Variants in NDST4 observed in about 807,000 individuals in gnomAD.
NDST4 encodes the protein N-deacetylase and N-sulfotransferase 4.
Under a neutral mutation model 100.8 loss-of-function variants are expected in NDST4, and 63 were observed. That is an observed-to-expected ratio of 0.62 (90% confidence interval 0.51 to 0.77). The LOEUF (loss-of-function observed/expected upper bound fraction) is 0.77. NDST4 is among the 30% of genes least tolerant of loss of function. The probability of loss-of-function intolerance (pLI) is 0.00; values close to 1 mark genes in which losing one functional copy is unlikely to be tolerated. For synonymous variants in NDST4, 377 were observed against 361.8 expected, an observed-to-expected ratio of 1.04 and a Z score of -0.48; for missense variants, 943 against 1,018.4, an observed-to-expected ratio of 0.93 and a Z score of 1.01.
At chr4:114,850,116 C>A (rs1465167083) in intron 8 of NDST4, among the ~76,000 whole-genome samples, 1 of 151,736 alleles carries the variant, frequency 6.6e-6, no homozygotes, top group Middle Eastern at 3.2e-3. Context: ...TTGAGACACA[C>A]AAAACACAAA....
At position 114,839,445 on chromosome 4, in the gene NDST4, C is replaced by G. The variant is rs1240023189; in HGVS notation, c.2219G>C (p.Arg740Thr). 1.2e-6 allele frequency: 2 copies of G among 1,613,930 alleles called. No individual in the cohort carries two copies. The highest frequency in any genetic ancestry group is 1.7e-6 in the Non-Finnish European group (2 of 1,179,884). Residue 740 changes from arginine (R) to threonine (T), a missense_variant, in exon 11 of 14, where the codon AGA (arginine) becomes ACA (threonine). Around this residue, in one of 2 missense-constraint regions of NDST4, gnomAD observed 526 missense variants for 634.1 expected, o/e 0.83. Transcript: ENST00000264363. ...TGCATACCATCCAGGTACTAGGCATCTTCTCTGCAAAGTTTTTAAGTCAGA... is the reference window on the plus strand; with the variant it reads ...TGCATACCATCCAGGTACTAGGCATGTTCTCTGCAAAGTTTTTAAGTCAGA... ...APSDLKTLQR[R>T]CLVPGWYAVH... is the part of the protein sequence containing the mutation.
rs561853489 is a variant in NDST4 at position 115,077,195 on chromosome 4, G to T, written c.-159C>A. ...AAGGGAGCACAACTGAGTTAAAGCTGGAAGGCAATAGATGGGAAGGATATA... is the reference window on the plus strand; with the variant it reads ...AAGGGAGCACAACTGAGTTAAAGCTTGAAGGCAATAGATGGGAAGGATATA... On this transcript the variant is annotated 5_prime_UTR_variant, in exon 2 of 14. Coordinates refer to ENST00000264363, the MANE Select transcript of NDST4 (RefSeq NM_022569.3). The T allele has an allele frequency of 4.5e-6, 3 of 662,570 alleles. No individual in the cohort carries two copies. The Admixed American group carries it at 9.2e-5, about 20-fold the overall frequency. 41.0% of individuals were successfully genotyped at this position (662,570 alleles called of 1,614,324 possible). A position where few individuals can be genotyped will look rare whatever the true frequency, so the allele number is the denominator to read the frequency against.
At chr4:114,931,817 C>A (rs1175472971) in intron 6 of NDST4, among the ~76,000 whole-genome samples, 1 of 151,446 alleles carries the variant, frequency 6.6e-6, no homozygotes, top group Non-Finnish European at 1.5e-5. Context: ...TCTGAACAGA[C>A]CAATAACGAG....
intron 2 of NDST4, among the ~76,000 whole-genome samples, chr4:115,057,976 A>C (rs1161576396): frequency 2.0e-5 from 3 of 152,178 alleles, no homozygotes; most frequent in Non-Finnish European, 2.9e-5. Flanking sequence ...AACTGTAAGC[A>C]TGTGTATATG....
At position 114,897,461 on chromosome 4, in the gene NDST4, T is replaced by A. The variant is rs1382368691; in HGVS notation, c.1537-26511A>T. 2.0e-5 allele frequency among the ~76,000 whole-genome samples: 3 copies of A among 152,224 alleles called. No individual in the cohort carries two copies. In the East Asian group the frequency reaches 5.8e-4, roughly 29 times the overall value. On this transcript the variant is annotated intron_variant, in intron 6 of 13. Transcript: ENST00000264363. ...TTTACTGTCTTTATTTACCACAGTA[T>A]ATTTCACTATCCACCTATTGAAGAA... is the stretch of plus-strand genomic sequence containing the variant.
chr4:114,967,316 A>G (rs1322792425), intron 4 of NDST4, among the ~76,000 whole-genome samples: 1 of 152,138 alleles, frequency 6.6e-6, no homozygotes, highest in Non-Finnish European at 1.5e-5. Context: ...TGGACTATGT[A>G]AAATACAATA....
chr4:115,063,038 G>T (rs1356254068), intron 2 of NDST4, among the ~76,000 whole-genome samples: 1 of 151,948 alleles, frequency 6.6e-6, no homozygotes, highest in African/African-American at 2.4e-5. Flanking sequence ...TGAAATTCAG[G>T]ATATGTGTTG....
At chr4:115,100,527 G>T (rs781445506) in intron 1 of NDST4, among the ~76,000 whole-genome samples, 1 of 151,950 alleles carries the variant, frequency 6.6e-6, no homozygotes, top group Non-Finnish European at 1.5e-5. Context: ...TAACTTTCTA[G>T]CTCTTATAAA....
At position 115,052,700 on chromosome 4, in the gene NDST4, C is replaced by CT. The variant is rs574840144; in HGVS notation, c.978+23358dup. ...GTGGAACTGTGAGTCAATTAAAACT[C>CT]TTTCCTTTGTAAATTACTCGGGTAT... is the stretch of plus-strand genomic sequence containing the variant. On this transcript the variant is annotated intron_variant, in intron 2 of 13. Transcript: ENST00000264363. Among the ~76,000 whole-genome samples the CT allele has an allele frequency of 1.3e-3, 205 of 152,250 alleles. 1 individual carries two copies. Among genetic ancestry groups the CT allele is most frequent in the African/African-American group, 4.9e-3 (203 of 41,544 alleles).
At chr4:114,829,727 G>T in intron 13 of NDST4, 63 bp downstream of exon 13, 2 of 1,234,458 alleles carry the variant, frequency 1.6e-6, no homozygotes, top group South Asian at 1.4e-5. Context: ...CTTGTTACTA[G>T]TTTTGAAATA....
intron 12 of NDST4, 114 bp from the exon 13 acceptor site, chr4:114,830,006 T>C: frequency 1.4e-6 from 1 of 717,936 alleles, no homozygotes; most frequent in East Asian, 2.8e-5. Flanking sequence ...TTAATTTAAT[T>C]CATTTTTACA....
At chr4:115,087,009 A>G (rs1729421444) in intron 1 of NDST4, among the ~76,000 whole-genome samples, 1 of 152,052 alleles carries the variant, frequency 6.6e-6, no homozygotes, top group Admixed American at 6.6e-5. Flanking sequence ...CTAAGATTTC[A>G]TCACTGAATT....
At chr4:114,872,390 C>T (rs1303207486) in intron 6 of NDST4, among the ~76,000 whole-genome samples, 1 of 151,968 alleles carries the variant, frequency 6.6e-6, no homozygotes, top group African/African-American at 2.4e-5. Context: ...TAAACAAACA[C>T]AGGCATATAC....
In NDST4 at chr4:114,919,212, C is replaced by G. The variant is rs151228874; in HGVS notation, c.1536+15994G>C. On this transcript the variant is annotated intron_variant, in intron 6 of 13. Transcript: ENST00000264363. ...GGTCTCTTCCCTGAATTTCCCACAG[C>G]AATAAAAATGTGGCTGGGCTTACTG... is the stretch of plus-strand genomic sequence containing the variant. 0.014 allele frequency among the ~76,000 whole-genome samples: 2,081 copies of G among 152,158 alleles called. 90 individuals carry two copies. The South Asian group carries it at 0.16, about 11-fold the overall frequency.
Position 115,033,129 on chromosome 4 carries a change from GTGTA to G in NDST4, c.978+42926_978+42929del, listed in dbSNP as rs1225241919. Among the ~76,000 whole-genome samples, 144 of 55,876 alleles carry G rather than the reference GTGTA, an allele frequency of 2.6e-3. 1 individual carries two copies. The highest frequency in any genetic ancestry group is 9.6e-3 in the African/African-American group (133 of 13,910). The allele number at this position is 55,876 out of a possible 152,430, so 36.7% of individuals were successfully genotyped here. ...TTGAATGCAAAAATTATATATATAT[GTGTA>G]TATATATATATATATATATATATAT... is the stretch of plus-strand genomic sequence containing the variant. On this transcript the variant is annotated intron_variant, in intron 2 of 13. Coordinates refer to ENST00000264363, the MANE Select transcript of NDST4 (RefSeq NM_022569.3).
At chr4:115,001,926 A>G (rs972783438) in intron 2 of NDST4, among the ~76,000 whole-genome samples, 1 of 152,190 alleles carries the variant, frequency 6.6e-6, no homozygotes, top group Non-Finnish European at 1.5e-5. Flanking sequence ...GTGAGGTATG[A>G]ACCCTACTCC....
intron 6 of NDST4, among the ~76,000 whole-genome samples, chr4:114,897,561 A>G (rs1271616221): frequency 2.0e-5 from 3 of 152,200 alleles, no homozygotes; most frequent in Non-Finnish European, 4.4e-5. Flanking sequence ...TTTTGTGTGG[A>G]CAAAAATTTT....
At chr4:115,019,023 A>G (rs996404295) in intron 2 of NDST4, among the ~76,000 whole-genome samples, 3 of 151,960 alleles carry the variant, frequency 2.0e-5, no homozygotes, top group Non-Finnish European at 4.4e-5. Context: ...TTATCAAATC[A>G]TCTATATTTC....
chr4:115,028,387 G>A (rs988562646), intron 2 of NDST4, among the ~76,000 whole-genome samples: 2 of 152,086 alleles, frequency 1.3e-5, no homozygotes, highest in Admixed American at 6.6e-5. Flanking sequence ...TGCCCGGAAA[G>A]AAATATGTGT....
Sources: allele counts gnomAD v4.1 joint callset (sites outside exome capture counted in the v4.1 genomes callset), GRCh38; gene constraint gnomAD v4.1.1; regional missense constraint gnomAD v4.1.1; transcripts MANE v1.5; gene names NCBI Gene and HGNC (gene_info 2026-07-23, HGNC 2026-07-21).